Variants in KAT14 observed in about 807,000 individuals in gnomAD.
KAT14 encodes lysine acetyltransferase 14, also known as cysteine-rich protein 2-binding protein.
A neutral mutation model predicts 78.4 loss-of-function variants in KAT14; 66 were observed. The ratio of observed to expected loss-of-function variants is 0.84; its 90% CI spans 0.69 to 1.03. The LOEUF (loss-of-function observed/expected upper bound fraction) is 1.03. KAT14 is among the 50% of genes least tolerant of loss of function. The pLI is 0.00. For missense variants in KAT14, 870 were observed against 972.5 expected (o/e 0.89, Z 1.40); for synonymous variants, 344 against 359.4 (o/e 0.96, Z 0.48).
intron 7 of KAT14, among the ~76,000 whole-genome samples, chr20:18,176,459 A>T (rs2039054564): frequency 6.6e-6 from 1 of 152,190 alleles, no homozygotes; most frequent in Admixed American, 6.5e-5. Context: ...ATGCAGAGTG[A>T]ACGCGGGGAC....
In KAT14 at chr20:18,142,503, A is replaced by G; in HGVS notation, c.-158A>G. The G allele has an allele frequency of 6.9e-7, 1 of 1,457,832 alleles. No homozygotes were observed. The allele number at this position is 1,457,832 out of a possible 1,614,324, so 90.3% of individuals were successfully genotyped here. A position where few individuals can be genotyped will look rare whatever the true frequency, so the allele number is the denominator to read the frequency against. On this transcript the variant is annotated 5_prime_UTR_variant, in exon 2 of 11. Transcript: ENST00000688188. ...TAAAGGACAGTGGGTCATATAAGTT[A>G]CTGCTTTCAGGGTCCCTTATATCTG...
chr20:18,145,061 G>C, intron 2 of KAT14, 172 bp from the exon 3 acceptor site: 1 of 1,393,620 alleles, frequency 7.2e-7, no homozygotes, highest in Non-Finnish European at 9.3e-7. Flanking sequence ...CTTGGTGTTA[G>C]AAGAATAGAA....
intron 1 of KAT14, among the ~76,000 whole-genome samples, chr20:18,141,046 T>TA (rs2037547361): frequency 2.4e-5 from 1 of 41,608 alleles, no homozygotes; most frequent in Non-Finnish European, 5.5e-5. Flanking sequence ...TTTTTTTTTT[T>TA]ATTTTTATTT....
intron 8 of KAT14, 28 bp from the exon 9 acceptor site, chr20:18,183,095 A>G: frequency 6.3e-7 from 1 of 1,579,972 alleles, no homozygotes; most frequent in Non-Finnish European, 8.6e-7. Context: ...TCTTGACTTG[A>G]ATTTGTTTAT....
chr20:18,186,341 A>C (rs2039453523), intron 10 of KAT14, among the ~76,000 whole-genome samples: 2 of 152,218 alleles, frequency 1.3e-5, no homozygotes, highest in Non-Finnish European at 2.9e-5. Context: ...GCAAACACCA[A>C]TATGACCCCA....
intron 3 of KAT14, among the ~76,000 whole-genome samples, chr20:18,146,519 T>C (rs1205220): frequency 0.58 from 88,173 of 151,658 alleles, 25,934 homozygotes; most frequent in Non-Finnish European, 0.63. Flanking sequence ...ATTAGCTGGG[T>C]GCGGTGGCAC....
At chr20:18,156,257 T>C (rs1372156390) in intron 4 of KAT14, among the ~76,000 whole-genome samples, 1 of 152,188 alleles carries the variant, frequency 6.6e-6, no homozygotes, top group East Asian at 1.9e-4. Flanking sequence ...TTGGGAGTTG[T>C]TTAACGGATA....
chr20:18,143,060 T>G, intron 2 of KAT14, 141 bp downstream of exon 2: 1 of 1,430,510 alleles, frequency 7.0e-7, no homozygotes, highest in Non-Finnish European at 9.1e-7. Flanking sequence ...AGCTATAAAT[T>G]TATATAAAAC....
Position 18,183,197 on chromosome 20 carries a change from C to G in KAT14, c.1880C>G (p.Pro627Arg). Residue 627 changes from proline to arginine, a missense_variant, in exon 9 of 11, where the codon CCT (proline) becomes CGT (arginine). Coordinates refer to ENST00000688188, the MANE Select transcript of KAT14 (RefSeq NM_001392073.1). Reference sequence around the variant, plus strand: ...CGTTCCCACCTGCACAGGAGCGACCCTCACTGGACGCCGGAGCCCGACGCA... The same window carrying G: ...CGTTCCCACCTGCACAGGAGCGACCGTCACTGGACGCCGGAGCCCGACGCA... ...QIRSHLHRSD[P>R]HWTPEPDAPL... The G allele has an allele frequency of 6.2e-7, 1 of 1,614,126 alleles. No homozygotes were observed. Among genetic ancestry groups the G allele is most frequent in the Non-Finnish European group, 8.5e-7 (1 of 1,180,024 alleles).
intron 1 of KAT14, among the ~76,000 whole-genome samples, chr20:18,139,996 G>A (rs942448755): frequency 8.5e-5 from 13 of 152,176 alleles, no homozygotes; most frequent in African/African-American, 2.7e-4. Flanking sequence ...TGTTAGAAAG[G>A]TAGTTCAGTG....
At position 18,149,651 on chromosome 20, in the gene KAT14, C is replaced by T. The variant is rs1283648412; in HGVS notation, c.379-1170C>T. ...GGCATTAACTGCAATTTACTACACT[C>T]CTTACAGCTACAGGATGCTCTTTAT... On this transcript the variant is annotated intron_variant, in intron 3 of 10. Transcript: ENST00000688188. Among the ~76,000 whole-genome samples the T allele has an allele frequency of 3.3e-5, 5 of 152,288 alleles. No homozygotes were observed. In the South Asian group the frequency reaches 6.2e-4, roughly 19 times the overall value.
At position 18,162,896 on chromosome 20, in the gene KAT14, C is replaced by G; in HGVS notation, c.1619C>G (p.Ala540Gly). 1.2e-6 allele frequency: 2 copies of G among 1,614,186 alleles called. No individual in the cohort carries two copies. The highest frequency in any genetic ancestry group is 1.7e-6 in the Non-Finnish European group (2 of 1,180,030). Residue 540 changes from alanine (A) to glycine (G), a missense_variant, in exon 7 of 11, where the codon GCC (alanine) becomes GGC (glycine). Transcript: ENST00000688188. ...ATTTCCAGACTTCCAGCTGGACAAG[C>G]CACGTACAGAACCACCTGTCAGGAC... ...GGISRLPAGQATYRTTCQDFR... is the reference protein window; with the variant it reads ...GGISRLPAGQGTYRTTCQDFR...
Position 18,145,278 on chromosome 20 carries a change from T to A in KAT14, c.305T>A (p.Phe102Tyr), listed in dbSNP as rs755016116. Reference sequence around the variant, plus strand: ...AGTTACCTTAAGGGTGATAATTTTTTTAGGTTTACTTGTTCGGATTGCTCA... The same window carrying A: ...AGTTACCTTAAGGGTGATAATTTTTATAGGTTTACTTGTTCGGATTGCTCA... ...QLSYLKGDNFFRFTCSDCSAD... is the reference protein window; with the variant it reads ...QLSYLKGDNFYRFTCSDCSAD... The change falls in exon 3 of 11, where the codon TTT becomes TAT. Residue 102 changes from phenylalanine to tyrosine, a missense_variant. Coordinates refer to ENST00000688188, the MANE Select transcript of KAT14 (RefSeq NM_001392073.1). 9 of 1,614,072 alleles carry A rather than the reference T, an allele frequency of 5.6e-6. No homozygotes were observed. The African/African-American group carries it at 1.2e-4, about 22-fold the overall frequency.
rs781300283 is a variant in KAT14, at chr20:18,162,135, A to T, written c.995A>T (p.Asp332Val). The stretch of plus-strand genomic sequence containing the variant: ...AGCCCATCTCCTTCTCCTTCTCTGG[A>T]TTTCTCTGCCCCTGGTACACCTGCC... ...LTSPSPSPSLDFSAPGTPASH... is the reference protein window; with the variant it reads ...LTSPSPSPSLVFSAPGTPASH... The change falls in exon 6 of 11, where the codon GAT (aspartate) becomes GTT (valine). Residue 332 changes from aspartate (D) to valine (V), a missense_variant. Coordinates refer to ENST00000688188, the MANE Select transcript of KAT14 (RefSeq NM_001392073.1). The T allele has an allele frequency of 5.6e-6, 9 of 1,614,026 alleles. No individual in the cohort carries two copies.
Position 18,142,644 on chromosome 20 carries a change from C to T in KAT14, c.-17C>T. 3 of 1,613,488 alleles carry T rather than the reference C, an allele frequency of 1.9e-6. No individual in the cohort carries two copies. Among genetic ancestry groups the T allele is most frequent in the Non-Finnish European group, 2.5e-6 (3 of 1,179,502 alleles). On this transcript the variant is annotated 5_prime_UTR_variant, in exon 2 of 11. Coordinates refer to ENST00000688188, the MANE Select transcript of KAT14 (RefSeq NM_001392073.1). The stretch of plus-strand genomic sequence containing the variant: ...GTTGTTACTGAGAAGCACTGCCGAG[C>T]TTGTGAGAAGGAAGGGATGGATAGT...
chr20:18,180,819 G>A (rs7263022), intron 7 of KAT14, among the ~76,000 whole-genome samples: 48,220 of 151,984 alleles, frequency 0.32, 8,465 homozygotes, highest in Non-Finnish European at 0.41. Context: ...GGTGGAAACC[G>A]CCCCCATGAT....
At chr20:18,144,715 G>A (rs954415484) in intron 2 of KAT14, among the ~76,000 whole-genome samples, 1 of 152,190 alleles carries the variant, frequency 6.6e-6, no homozygotes, top group Non-Finnish European at 1.5e-5. Context: ...CTAGAATCAA[G>A]CATATTTAGA....
At chr20:18,164,372 G>A (rs74901646) in intron 7 of KAT14, among the ~76,000 whole-genome samples, 10,276 of 152,134 alleles carry the variant, frequency 0.068, 401 homozygotes, top group Middle Eastern at 0.1. Flanking sequence ...CTAGATGTGG[G>A]CAGTATAATT....
At chr20:18,143,043 G>A (rs769676065) in intron 2 of KAT14, 124 bp downstream of exon 2, 3 of 1,443,846 alleles carry the variant, frequency 2.1e-6, no homozygotes, top group Admixed American at 2.7e-5. Flanking sequence ...TTATTCTCTA[G>A]TTGATCAGCT....
Sources: allele counts gnomAD v4.1 joint callset (sites outside exome capture counted in the v4.1 genomes callset), GRCh38; gene constraint gnomAD v4.1.1; transcripts MANE v1.5; gene names NCBI Gene and HGNC (gene_info 2026-07-23, HGNC 2026-07-21).